The following PANX1 variants were observed in gnomAD, a reference collection of about 807,000 sequenced individuals.
PANX1 encodes the protein pannexin-1.
A neutral mutation model predicts 38.7 loss-of-function variants in PANX1; 30 were observed. The observed-to-expected ratio is 0.78, with a 90% CI of 0.58 to 1.05. The LOEUF (loss-of-function observed/expected upper bound fraction) is 1.05, where lower values mean the gene tolerates loss of function less well. Ranked by LOEUF, PANX1 falls within the 50% of genes least tolerant of loss-of-function variation. The probability of loss-of-function intolerance (pLI) is 0.00; values close to 1 mark genes in which losing one functional copy is unlikely to be tolerated. For missense variants in PANX1, 551 were observed against 517.2 expected, an observed-to-expected ratio of 1.07 and a Z score of -0.63; for synonymous variants, 230 against 212.2, an observed-to-expected ratio of 1.08 and a Z score of -0.73.
intron 2 of PANX1, among the ~76,000 whole-genome samples, chr11:94,172,636 A>G (rs1377793322): frequency 6.6e-6 from 1 of 151,778 alleles, no homozygotes; most frequent in Non-Finnish European, 1.5e-5. Flanking sequence ...AGCAGCTGCA[A>G]CAGAGACCAT....
At chr11:94,142,633 C>G (rs907343851) in intron 1 of PANX1, among the ~76,000 whole-genome samples, 3 of 152,212 alleles carry the variant, frequency 2.0e-5, no homozygotes, top group Admixed American at 6.5e-5. Flanking sequence ...TTTTCATCTA[C>G]AATAATTGGT....
chr11:94,131,636 G>A (rs531144743), intron 1 of PANX1, among the ~76,000 whole-genome samples: 5 of 152,328 alleles, frequency 3.3e-5, no homozygotes, highest in Admixed American at 1.3e-4. Context: ...TTTCTGAAGT[G>A]TTTTCAGGAG....
chr11:94,144,505 C>T (rs1464598513), intron 1 of PANX1, among the ~76,000 whole-genome samples: 1 of 152,164 alleles, frequency 6.6e-6, no homozygotes, highest in Admixed American at 6.5e-5. Flanking sequence ...ACAGAGTAGC[C>T]TTAGGCGCTC....
chr11:94,138,065 A>G (rs1331325308), intron 1 of PANX1, among the ~76,000 whole-genome samples: 2 of 151,872 alleles, frequency 1.3e-5, no homozygotes, highest in African/African-American at 4.8e-5. Flanking sequence ...CAGTATTTCA[A>G]GTGATTGTAT....
At chr11:94,151,901 C>T (rs1946886329) in intron 1 of PANX1, among the ~76,000 whole-genome samples, 2 of 152,194 alleles carry the variant, frequency 1.3e-5, no homozygotes, top group Admixed American at 6.5e-5. Flanking sequence ...GCTGTGGGTG[C>T]ACAGGCCCCT....
At chr11:94,173,103 C>A (rs1414425313) in intron 2 of PANX1, among the ~76,000 whole-genome samples, 1 of 151,762 alleles carries the variant, frequency 6.6e-6, no homozygotes, top group Non-Finnish European at 1.5e-5. Context: ...GCGGTATTAC[C>A]TGAACAGCAT....
chr11:94,157,620 T>G (rs932203193), intron 2 of PANX1, among the ~76,000 whole-genome samples: 63 of 152,212 alleles, frequency 4.1e-4, no homozygotes, highest in Non-Finnish European at 3.4e-4. Flanking sequence ...TGAGTTCATT[T>G]TAGATTCTGG....
At chr11:94,176,914 C>T (rs12796568) in intron 2 of PANX1, among the ~76,000 whole-genome samples, 14,439 of 151,582 alleles carry the variant, frequency 0.095, 928 homozygotes, top group East Asian at 0.19. Flanking sequence ...TCTATAGAGT[C>T]CCTGCCAGGG....
At chr11:94,160,626 T>C (rs1947015715) in intron 2 of PANX1, among the ~76,000 whole-genome samples, 1 of 152,202 alleles carries the variant, frequency 6.6e-6, no homozygotes, top group African/African-American at 2.4e-5. Flanking sequence ...TGTCTCTGCA[T>C]GTGAGATGGT....
intron 2 of PANX1, among the ~76,000 whole-genome samples, chr11:94,165,047 T>A (rs563328737): frequency 1.3e-5 from 2 of 152,162 alleles, no homozygotes; most frequent in Non-Finnish European, 2.9e-5. Flanking sequence ...AGCCCTTCAT[T>A]TTCAGCCTAT....
Position 94,179,849 on chromosome 11 carries a change from T to C in PANX1, c.793T>C (p.Cys265Arg). The C allele has an allele frequency of 1.9e-6, 3 of 1,614,154 alleles. No homozygotes were observed. The highest frequency in any genetic ancestry group is 2.5e-6 in the Non-Finnish European group (3 of 1,180,012). Reference protein sequence around the residue: ...NDSTVPDQFQCKLIAVGIFQL... With the variant: ...NDSTVPDQFQRKLIAVGIFQL... Reference sequence around the variant, plus strand: ...CAGCACCGTGCCCGATCAGTTTCAGTGCAAACTCATTGCCGTGGGCATCTT... The same window carrying C: ...CAGCACCGTGCCCGATCAGTTTCAGCGCAAACTCATTGCCGTGGGCATCTT... Residue 265 changes from cysteine to arginine, a missense_variant, in exon 4 of 5, where the codon TGC becomes CGC. Cys to Arg is a radical substitution (Grantham distance 180, BLOSUM62 -3). Transcript: ENST00000227638.
At chr11:94,147,548 C>T (rs1452063178) in intron 1 of PANX1, among the ~76,000 whole-genome samples, 1 of 152,148 alleles carries the variant, frequency 6.6e-6, no homozygotes, top group African/African-American at 2.4e-5. Flanking sequence ...GGGTGTCATC[C>T]TGTCTTCGTG....
intron 1 of PANX1, among the ~76,000 whole-genome samples, chr11:94,138,392 A>G (rs535492087): frequency 9.9e-5 from 15 of 152,094 alleles, no homozygotes; most frequent in African/African-American, 3.1e-4. Flanking sequence ...TGGTTTCTCA[A>G]TGGGTTTTAT....
intron 1 of PANX1, among the ~76,000 whole-genome samples, chr11:94,141,755 CACACATTG>C (rs988462665): frequency 1.3e-5 from 2 of 152,152 alleles, no homozygotes; most frequent in African/African-American, 4.8e-5. Flanking sequence ...TCTGGCATGG[CACACATTG>C]ACTGTGAGAC....
At chr11:94,148,669 T>A (rs541928490) in intron 1 of PANX1, among the ~76,000 whole-genome samples, 1 of 152,216 alleles carries the variant, frequency 6.6e-6, no homozygotes, top group African/African-American at 2.4e-5. Flanking sequence ...TTGGATCCCA[T>A]ATATATGGGG....
At chr11:94,135,099 T>G (rs1946673290) in intron 1 of PANX1, among the ~76,000 whole-genome samples, 1 of 152,142 alleles carries the variant, frequency 6.6e-6, no homozygotes, top group Admixed American at 6.5e-5. Flanking sequence ...AGAGCCCGTG[T>G]CTCCTGCCAG....
chr11:94,180,906 G>T lies in PANX1; in HGVS notation c.*37G>T. 1 of 1,199,398 alleles carries T rather than the reference G, an allele frequency of 8.3e-7. No homozygotes were observed. The highest frequency in any genetic ancestry group is 2.3e-5 in the East Asian group (1 of 42,932). 74.3% of individuals were successfully genotyped at this position (1,199,398 alleles called of 1,614,324 possible). The stretch of plus-strand genomic sequence containing the variant: ...CTTGAGCTGTAAATCTGTGACTTCT[G>T]CGACATGGGATTTAATTTGGCTAAA... On this transcript the variant is annotated 3_prime_UTR_variant, in exon 5 of 5. Transcript: ENST00000227638.
rs1445538142 is a variant in PANX1, at chr11:94,178,407, G to A, written c.360G>A (p.Leu120=). The part of the protein sequence containing the change: ...PYILLLFAIL[L]YLPPLFWRFA... ...TCCTGCTGCTCTTTGCGATCCTCCT[G>A]TACCTGCCCCCGCTGTTCTGGCGTT... Residue 120 remains leucine, a synonymous_variant, in exon 3 of 5, where the codon CTG becomes CTA. Transcript: ENST00000227638. The A allele has an allele frequency of 6.2e-7, 1 of 1,613,994 alleles. No individual in the cohort carries two copies.
chr11:94,149,979 A>G (rs769707295), intron 1 of PANX1, among the ~76,000 whole-genome samples: 2 of 152,210 alleles, frequency 1.3e-5, no homozygotes, highest in African/African-American at 4.8e-5. Flanking sequence ...ATATATGTCT[A>G]TGTGACATGG....
Sources: allele counts gnomAD v4.1 joint callset (sites outside exome capture counted in the v4.1 genomes callset), GRCh38; gene constraint gnomAD v4.1.1; transcripts MANE v1.5; gene names NCBI Gene and HGNC (gene_info 2026-07-23, HGNC 2026-07-21).